CDH20: variants seen among roughly 807,000 people sequenced by gnomAD.
CDH20 encodes cadherin-20.
A neutral mutation model predicts 74.2 loss-of-function variants in CDH20; 29 were observed. That is an observed-to-expected ratio of 0.39 (90% CI 0.29 to 0.53). The LOEUF (loss-of-function observed/expected upper bound fraction) is 0.53. Ranked by LOEUF, CDH20 falls within the 20% of genes least tolerant of loss-of-function variation. The probability of loss-of-function intolerance (pLI) is 0.69; values close to 1 mark genes in which losing one functional copy is unlikely to be tolerated. For synonymous variants in CDH20, 469 were observed against 405.4 expected, an observed-to-expected ratio of 1.16 and a Z score of -1.88; for missense variants, 988 against 1,048.3, an observed-to-expected ratio of 0.94 and a Z score of 0.79.
At chr18:61,462,798 A>C (rs978349619) in intron 1 of CDH20, among the ~76,000 whole-genome samples, 1 of 151,948 alleles carries the variant, frequency 6.6e-6, no homozygotes, top group African/African-American at 2.4e-5. Context: ...AGATCCTTGA[A>C]GTTTTCTGGT....
In CDH20 at chr18:61,353,910, C is replaced by T. The variant is rs1910399192; in HGVS notation, c.-153+20083C>T. Among the ~76,000 whole-genome samples, 3 of 152,050 alleles carry T rather than the reference C, an allele frequency of 2.0e-5. No homozygotes were observed. The highest frequency in any genetic ancestry group is 6.6e-5 in the Admixed American group (1 of 15,262). ...CAGCCTGGGCAACATAGCAAAACCC[C>T]ATCTCTACCAAAAATACAAAATATT... On this transcript the variant is annotated intron_variant, in intron 1 of 11. Coordinates refer to ENST00000262717, the MANE Select transcript of CDH20 (RefSeq NM_031891.4). This position sits in a 1 kb window ranked among gnomAD's most constrained non-coding sequence, Gnocchi z 4.6.
intron 1 of CDH20, among the ~76,000 whole-genome samples, chr18:61,454,790 A>C (rs547633998): frequency 2.6e-5 from 4 of 152,348 alleles, no homozygotes; most frequent in Admixed American, 6.5e-5. Flanking sequence ...TTCACAAGAC[A>C]TTCTATGTGA....
intron 6 of CDH20, among the ~76,000 whole-genome samples, chr18:61,514,145 C>T (rs1242244501): frequency 5.3e-5 from 8 of 151,528 alleles, no homozygotes; most frequent in East Asian, 2.0e-4. Context: ...ACCAATCAGA[C>T]GTAGATTTGG....
intron 11 of CDH20, 32 bp downstream of exon 11, chr18:61,550,261 G>T: frequency 6.3e-7 from 1 of 1,599,598 alleles, no homozygotes; most frequent in South Asian, 1.1e-5. Flanking sequence ...CTTCTGTGGA[G>T]TCCTGCCAGT....
At chr18:61,454,797 G>A (rs1439039968) in intron 1 of CDH20, among the ~76,000 whole-genome samples, 4 of 152,198 alleles carry the variant, frequency 2.6e-5, no homozygotes, top group African/African-American at 9.7e-5. Flanking sequence ...GACATTCTAT[G>A]TGAACAATGC....
intron 5 of CDH20, among the ~76,000 whole-genome samples, chr18:61,505,313 G>C (rs542771516): frequency 2.7e-5 from 4 of 149,424 alleles, no homozygotes; most frequent in Admixed American, 2.0e-4. Flanking sequence ...TGGGGTTTTA[G>C]TCTTGCCTCC....
intron 1 of CDH20, among the ~76,000 whole-genome samples, chr18:61,464,708 A>G (rs2535354): frequency 0.48 from 73,174 of 152,090 alleles, 17,796 homozygotes; most frequent in Middle Eastern, 0.64. Flanking sequence ...ACTCAAAGCC[A>G]CAGGGGACTG....
intron 1 of CDH20, among the ~76,000 whole-genome samples, chr18:61,451,269 T>C (rs139567425): frequency 1.3e-5 from 2 of 152,192 alleles, no homozygotes; most frequent in African/African-American, 4.8e-5. Context: ...TCAGAAATTT[T>C]CAACTACTTG....
At chr18:61,446,169 C>T (rs763229590) in intron 1 of CDH20, among the ~76,000 whole-genome samples, 1 of 152,180 alleles carries the variant, frequency 6.6e-6, no homozygotes, top group Non-Finnish European at 1.5e-5. Context: ...AAGGAAATTA[C>T]ACTATACTTC....
At chr18:61,461,349 CCAG>C (rs1327446489) in intron 1 of CDH20, among the ~76,000 whole-genome samples, 1 of 116,678 alleles carries the variant, frequency 8.6e-6, no homozygotes, top group Non-Finnish European at 1.9e-5. Context: ...AAAAAAAAAA[CCAG>C]AAATTTATTT....
intron 1 of CDH20, among the ~76,000 whole-genome samples, chr18:61,389,843 A>G (rs888106670): frequency 2.0e-5 from 3 of 152,118 alleles, no homozygotes; most frequent in Non-Finnish European, 4.4e-5. Flanking sequence ...AGTACAGTCC[A>G]CCTACTTTCA....
At chr18:61,432,836 TC>T (rs1913302071) in intron 1 of CDH20, among the ~76,000 whole-genome samples, 2 of 152,330 alleles carry the variant, frequency 1.3e-5, no homozygotes, top group South Asian at 4.1e-4. Context: ...CCTCACCTCC[TC>T]CTACTGCTTT....
In CDH20 at chr18:61,397,506, A is replaced by G. The variant is rs1386206899; in HGVS notation, c.-153+63679A>G. On this transcript the variant is annotated intron_variant, in intron 1 of 11. Coordinates refer to ENST00000262717, the MANE Select transcript of CDH20 (RefSeq NM_031891.4). Reference sequence around the variant, plus strand: ...GCTCCTTTTAACCAACCCTGCCTCCATGTAAATGTCACTTCCCTGACCACC... The same window carrying G: ...GCTCCTTTTAACCAACCCTGCCTCCGTGTAAATGTCACTTCCCTGACCACC... Among the ~76,000 whole-genome samples the G allele has an allele frequency of 2.6e-5, 4 of 152,160 alleles. No individual in the cohort carries two copies. In the East Asian group the frequency reaches 7.8e-4, roughly 29 times the overall value.
intron 1 of CDH20, among the ~76,000 whole-genome samples, chr18:61,376,014 A>G (rs1706409438): frequency 6.6e-6 from 1 of 152,166 alleles, no homozygotes; most frequent in South Asian, 2.1e-4. Context: ...TAGTAACCTA[A>G]TAGTACATTG....
chr18:61,544,083 A>G (rs1338399645), intron 9 of CDH20, among the ~76,000 whole-genome samples: 1 of 152,230 alleles, frequency 6.6e-6, no homozygotes. Flanking sequence ...GCCCAACCCT[A>G]AAGCAAAATT....
intron 1 of CDH20, among the ~76,000 whole-genome samples, chr18:61,488,577 G>A (rs1599119451): frequency 1.3e-5 from 2 of 152,302 alleles, no homozygotes; most frequent in African/African-American, 4.8e-5. Context: ...TAAGTCAGAG[G>A]TAATGAAGAT....
At chr18:61,396,057 G>GTGTGTGTGTA (rs1389334835) in intron 1 of CDH20, among the ~76,000 whole-genome samples, 8 of 151,972 alleles carry the variant, frequency 5.3e-5, no homozygotes, top group Non-Finnish European at 1.2e-4. Flanking sequence ...GTGTGTTTGT[G>GTGTGTGTGTA]TGTGTGTGTG....
intron 1 of CDH20, among the ~76,000 whole-genome samples, chr18:61,369,894 A>G (rs141208700): frequency 1.3e-5 from 2 of 152,132 alleles, no homozygotes; most frequent in Non-Finnish European, 2.9e-5. Flanking sequence ...CGGGAACAAC[A>G]CACACTGGGG....
At chr18:61,377,161 A>G (rs1289751341) in intron 1 of CDH20, among the ~76,000 whole-genome samples, 2 of 152,100 alleles carry the variant, frequency 1.3e-5, no homozygotes, top group African/African-American at 4.8e-5. Flanking sequence ...GAAAAGTGAG[A>G]AAAGTAAGTC....
Sources: gnomAD v4.1 joint callset for allele counts (sites outside exome capture counted in the v4.1 genomes callset) on GRCh38, gnomAD v4.1.1 for gene constraint, Gnocchi (gnomAD v3.1) non-coding constraint, MANE v1.5 for transcripts, NCBI Gene and HGNC (gene_info 2026-07-23, HGNC 2026-07-21) for gene names.